ZZZ3: variants seen among roughly 807,000 people sequenced by gnomAD.
ZZZ3 encodes the protein ZZ-type zinc finger-containing protein 3.
A neutral mutation model predicts 95.2 loss-of-function variants in ZZZ3; 22 were observed. The ratio of observed to expected loss-of-function variants is 0.23; its 90% confidence interval spans 0.17 to 0.33. The LOEUF is 0.33. Ranked by LOEUF, ZZZ3 falls within the 10% of genes least tolerant of loss-of-function variation. The probability of loss-of-function intolerance (pLI) is 1.00; values close to 1 mark genes in which losing one functional copy is unlikely to be tolerated. For missense variants in ZZZ3, 885 were observed against 1,066.5 expected, an observed-to-expected ratio of 0.83 and a Z score of 2.37; for synonymous variants, 335 against 358.9, an observed-to-expected ratio of 0.93 and a Z score of 0.75.
intron 9 of ZZZ3, 117 bp from the exon 10 acceptor site, chr1:77,579,745 G>A (rs1662317975): frequency 1.7e-6 from 1 of 592,840 alleles, no homozygotes; most frequent in Non-Finnish European, 2.8e-6. Flanking sequence ...CCACCTTTGG[G>A]GGTTACGTAA....
chr1:77,658,178 CAAAAAAAA>C (rs1186224710), intron 1 of ZZZ3, among the ~76,000 whole-genome samples: 2 of 76,316 alleles, frequency 2.6e-5, no homozygotes, highest in East Asian at 4.4e-4. Context: ...GACTTTGTCT[CAAAAAAAA>C]AAAAAAAAAA....
chr1:77,575,738 C>T (rs1013075322), intron 12 of ZZZ3, among the ~76,000 whole-genome samples: 3 of 152,128 alleles, frequency 2.0e-5, no homozygotes, highest in African/African-American at 4.8e-5. Context: ...CTATATATTT[C>T]ACTGTATAAC....
Position 77,680,986 on chromosome 1 carries a change from A to G in ZZZ3, c.-403+1599T>C, listed in dbSNP as rs116029191. Among the ~76,000 whole-genome samples, 1,088 of 152,340 alleles carry G rather than the reference A, an allele frequency of 7.1e-3. 15 individuals are homozygous for G. Among genetic ancestry groups the G allele is most frequent in the African/African-American group, 0.024 (1,012 of 41,582 alleles). Reference sequence around the variant, plus strand: ...TTTTCACAAGATTATACTACCAAAAAAATCAGTACAAACAAAAAAAATCTG... The same window carrying G: ...TTTTCACAAGATTATACTACCAAAAGAATCAGTACAAACAAAAAAAATCTG... On this transcript the variant is annotated intron_variant, in intron 1 of 14. Transcript: ENST00000370801.
intron 5 of ZZZ3, among the ~76,000 whole-genome samples, chr1:77,609,824 A>T (rs568830951): frequency 2.6e-5 from 4 of 152,234 alleles, no homozygotes; most frequent in African/African-American, 9.6e-5. Flanking sequence ...GGAAATTGAA[A>T]AACTTTTTGA....
chr1:77,618,293 T>C lies in ZZZ3; in HGVS notation c.1505+13557A>G, dbSNP rs1415441053. 2.2e-5 allele frequency among the ~76,000 whole-genome samples: 3 copies of C among 137,356 alleles called. No individual in the cohort carries two copies. The East Asian group carries it at 7.1e-4, about 33-fold the overall frequency. 90.1% of individuals were successfully genotyped at this position (137,356 alleles called of 152,430 possible). A position where few individuals can be genotyped will look rare whatever the true frequency, so the allele number is the denominator to read the frequency against. ...TAATCCCACCCCTGACAATTGATAA[T>C]TCGGCCAGGGATGGACTGACCAAGG... On this transcript the variant is annotated intron_variant, in intron 5 of 14. Transcript: ENST00000370801.
chr1:77,634,175 T>TA (rs1668088745), intron 4 of ZZZ3, among the ~76,000 whole-genome samples: 1 of 150,656 alleles, frequency 6.6e-6, no homozygotes, highest in Non-Finnish European at 1.5e-5. Context: ...CTCAAAAAAA[T>TA]AAATAAATAA....
intron 5 of ZZZ3, among the ~76,000 whole-genome samples, chr1:77,613,845 T>C (rs1300096476): frequency 3.3e-5 from 5 of 152,152 alleles, no homozygotes. Context: ...AGGATCTCTT[T>C]AAGCATAGTC....
chr1:77,667,907 T>C (rs1671392111), intron 1 of ZZZ3, among the ~76,000 whole-genome samples: 1 of 151,374 alleles, frequency 6.6e-6, no homozygotes, highest in African/African-American at 2.4e-5. Context: ...TGGGATTACA[T>C]GCACCTGCCA....
intron 5 of ZZZ3, among the ~76,000 whole-genome samples, chr1:77,595,690 C>A (rs148424094): frequency 2.0e-5 from 3 of 151,982 alleles, no homozygotes; most frequent in East Asian, 1.9e-4. Flanking sequence ...AATGATGATA[C>A]AAGCAAACAT....
intron 5 of ZZZ3, among the ~76,000 whole-genome samples, chr1:77,619,500 C>T (rs1350677113): frequency 1.3e-5 from 2 of 152,164 alleles, no homozygotes; most frequent in Non-Finnish European, 2.9e-5. Flanking sequence ...AAGACAACCA[C>T]AATCAAATTC....
chr1:77,569,155 G>T (rs994531175), intron 12 of ZZZ3, among the ~76,000 whole-genome samples: 2 of 152,292 alleles, frequency 1.3e-5, no homozygotes, highest in Admixed American at 1.3e-4. Context: ...TAGCCAACAT[G>T]GCAAAAGCCT....
At chr1:77,573,115 A>AT in intron 12 of ZZZ3, among the ~76,000 whole-genome samples, 1 of 151,422 alleles carries the variant, frequency 6.6e-6, no homozygotes, top group South Asian at 2.1e-4. Flanking sequence ...CCTTTGAAGC[A>AT]TTTTTTAATT....
chr1:77,566,209 TTAAG>T (rs1660809598), intron 13 of ZZZ3, 28 bp from the exon 14 acceptor site: 1 of 1,506,410 alleles, frequency 6.6e-7, no homozygotes, highest in African/African-American at 1.4e-5. Context: ...AGAAAATGTA[TTAAG>T]TTATACTGTT....
chr1:77,591,847 A>G (rs1293345302), intron 5 of ZZZ3, among the ~76,000 whole-genome samples: 1 of 152,254 alleles, frequency 6.6e-6, no homozygotes, highest in Non-Finnish European at 1.5e-5. Context: ...TGGACAAATC[A>G]GCAAGATACT....
chr1:77,593,449 T>G (rs1048229688), intron 5 of ZZZ3, among the ~76,000 whole-genome samples: 6 of 152,076 alleles, frequency 3.9e-5, no homozygotes, highest in African/African-American at 1.4e-4. Flanking sequence ...TACAGTACGG[T>G]TCAAAAGCAT....
intron 5 of ZZZ3, among the ~76,000 whole-genome samples, chr1:77,606,051 C>G (rs1195073944): frequency 1.3e-5 from 2 of 152,204 alleles, no homozygotes; most frequent in African/African-American, 4.8e-5. Flanking sequence ...GTCCCCAATT[C>G]CAGGCCTTAG....
At chr1:77,589,335 A>G (rs1247114164) in intron 5 of ZZZ3, among the ~76,000 whole-genome samples, 1 of 152,200 alleles carries the variant, frequency 6.6e-6, no homozygotes, top group Non-Finnish European at 1.5e-5. Context: ...ATATAAAAAC[A>G]TTTATATGAA....
chr1:77,634,165 C>T (rs939192109), intron 4 of ZZZ3, among the ~76,000 whole-genome samples: 2 of 151,430 alleles, frequency 1.3e-5, no homozygotes, highest in Non-Finnish European at 2.9e-5. Flanking sequence ...GTGAGACTGT[C>T]TCAAAAAAAT....
At position 77,633,830 on chromosome 1, in the gene ZZZ3, C is replaced by A. The variant is rs117352560; in HGVS notation, c.-51-425G>T. On this transcript the variant is annotated intron_variant, in intron 4 of 14. Coordinates refer to ENST00000370801, the MANE Select transcript of ZZZ3 (RefSeq NM_015534.6). ...GTATCTGCCTCTCAGGCATAAAACACCCAGAAGAGATCTATCCTAAAGATG... is the reference window on the plus strand; with the variant it reads ...GTATCTGCCTCTCAGGCATAAAACAACCAGAAGAGATCTATCCTAAAGATG... Among the ~76,000 whole-genome samples the A allele has an allele frequency of 8.1e-4, 123 of 152,272 alleles. 3 individuals are homozygous for A. In the East Asian group the frequency reaches 0.023, roughly 28 times the overall value.
Sources: allele counts gnomAD v4.1 joint callset (sites outside exome capture counted in the v4.1 genomes callset), GRCh38; gene constraint gnomAD v4.1.1; transcripts MANE v1.5; gene names NCBI Gene and HGNC (gene_info 2026-07-23, HGNC 2026-07-21).